Variants in PMEL observed in about 807,000 individuals in gnomAD.
PMEL encodes premelanosome protein.
In PMEL, 53 loss-of-function variants were observed where a neutral mutation model predicts 64.9. The ratio of observed to expected loss-of-function variants is 0.82; its 90% confidence interval spans 0.66 to 1.03. The LOEUF (loss-of-function observed/expected upper bound fraction) is 1.03, where lower values mean the gene tolerates loss of function less well. Among genes scored for constraint, PMEL ranks in the 50% least tolerant of loss-of-function variants. PMEL has a pLI of 0.00. For missense variants in PMEL, 716 were observed against 814.9 expected, an observed-to-expected ratio of 0.88 and a Z score of 1.48; for synonymous variants, 299 against 316.2, an observed-to-expected ratio of 0.95 and a Z score of 0.58.
chr12:55,962,842 A>G (rs1889158006), intron 1 of PMEL, among the ~76,000 whole-genome samples: 1 of 151,742 alleles, frequency 6.6e-6, no homozygotes. Context: ...GTTTTGTTTT[A>G]AATCAAGACA....
chr12:55,955,958 C>T, intron 7 of PMEL, 95 bp from the exon 8 acceptor site: 3 of 1,190,736 alleles, frequency 2.5e-6, no homozygotes, highest in South Asian at 2.4e-5. Context: ...CCACCAATCC[C>T]ATCCCTGTGC....
At chr12:55,963,215 G>A (rs764226471) in intron 1 of PMEL, among the ~76,000 whole-genome samples, 15 of 152,034 alleles carry the variant, frequency 9.9e-5, no homozygotes, top group African/African-American at 1.4e-4. Context: ...GAAAGATCAC[G>A]ATGGCAAGCA....
intron 1 of PMEL, among the ~76,000 whole-genome samples, chr12:55,962,781 T>C (rs1250064657): frequency 6.6e-6 from 1 of 151,868 alleles, no homozygotes; most frequent in Non-Finnish European, 1.5e-5. Context: ...TCCAACCGCT[T>C]CGGCCTCCCA....
chr12:55,956,245 A>C lies in PMEL; in HGVS notation c.1355-26T>G, dbSNP rs539354382. ...CTGGCAGGAGAGGATCAAGGAGGCA[A>C]GATCAAGAGACAGATGACTCATCTG... On this transcript the variant is annotated intron_variant, in intron 6 of 10. Transcript: ENST00000548747. 4.8e-5 allele frequency: 70 copies of C among 1,465,462 alleles called. 1 individual carries two copies. In the South Asian group the frequency reaches 7.5e-4, roughly 16 times the overall value. 90.8% of individuals were successfully genotyped at this position (1,465,462 alleles called of 1,614,324 possible).
Position 55,955,813 on chromosome 12 carries a change from C to A in PMEL, c.1522G>T (p.Asp508Tyr), listed in dbSNP as rs764582176. 1 of 1,613,942 alleles carries A rather than the reference C, an allele frequency of 6.2e-7. No individual in the cohort carries two copies. Among genetic ancestry groups the A allele is most frequent in the African/African-American group, 1.3e-5 (1 of 74,944 alleles). The change falls in exon 8 of 11, where the codon GAT becomes TAT. Residue 508 changes from aspartate (D) to tyrosine (Y), a missense_variant. Physicochemically the swap from Asp to Tyr is radical, Grantham distance 160. Coordinates refer to ENST00000548747, the MANE Select transcript of PMEL (RefSeq NM_001384361.1). Reference sequence around the variant, plus strand: ...CAGGACACAGTCAGCTCAAATGCATCCCCCTCACCGGACGGCACAGCCTGC... The same window carrying A: ...CAGGACACAGTCAGCTCAAATGCATACCCCTCACCGGACGGCACAGCCTGC... Reference protein sequence around the residue: ...ILQAVPSGEGDAFELTVSCQG... With the variant: ...ILQAVPSGEGYAFELTVSCQG...
upstream of PMEL, chr12:55,966,205 A>G: frequency 1.2e-6 from 1 of 813,676 alleles, no homozygotes; most frequent in Non-Finnish European, 1.9e-6. Flanking sequence ...CCTGCTACTC[A>G]ATGACAGTTT....
chr12:55,957,559 A>C lies in PMEL; in HGVS notation c.744T>G (p.Ser248Arg), dbSNP rs1446193435. The C allele has an allele frequency of 6.2e-7, 1 of 1,613,912 alleles. No individual in the cohort carries two copies. Among genetic ancestry groups the C allele is most frequent in the Non-Finnish European group, 8.5e-7 (1 of 1,179,976 alleles). The stretch of plus-strand genomic sequence containing the variant: ...AGAGGTCAGCTTCAGCCAGATAGCC[A>C]CTGGGGTCATGGAGCTGGAGGGCAA... ...LTFALQLHDP[S>R]GYLAEADLSY... The change falls in exon 6 of 11, where the codon AGT (serine) becomes AGG (arginine). Residue 248 changes from serine to arginine, a missense_variant. By Grantham distance (110) the Ser-to-Arg change is moderately radical. Transcript: ENST00000548747.
chr12:55,966,530 T>G (rs1889308469), upstream of PMEL: 4 of 303,350 alleles, frequency 1.3e-5, no homozygotes, highest in Non-Finnish European at 2.0e-5. Context: ...TTCCCCAGGA[T>G]TGGTGAAAAT....
intron 3 of PMEL, among the ~76,000 whole-genome samples, chr12:55,959,815 A>G (rs1013878382): frequency 6.6e-5 from 10 of 151,656 alleles, no homozygotes; most frequent in Non-Finnish European, 1.3e-4. Context: ...AAAAATAAAT[A>G]CATAAATAAA....
chr12:55,966,295 G>A (rs537368431), upstream of PMEL: 3 of 487,342 alleles, frequency 6.2e-6, no homozygotes, highest in African/African-American at 3.9e-5. Context: ...ACACATACCA[G>A]ACACAACAGT....
Position 55,958,453 on chromosome 12 carries a change from C to T in PMEL, c.469+20G>A, listed in dbSNP as rs372078340. 1.2e-6 allele frequency: 2 copies of T among 1,611,442 alleles called. No homozygotes were observed. The highest frequency in any genetic ancestry group is 1.7e-5 in the Admixed American group (1 of 59,624). On this transcript the variant is annotated intron_variant, in intron 4 of 10. Coordinates refer to ENST00000548747, the MANE Select transcript of PMEL (RefSeq NM_001384361.1). Reference sequence around the variant, plus strand: ...AGTAAACACAAGTGTGGATGATAGGCTGAGAAGGGAGTCCCTCACCCCAGG... The same window carrying T: ...AGTAAACACAAGTGTGGATGATAGGTTGAGAAGGGAGTCCCTCACCCCAGG...
At chr12:55,961,593 G>A in intron 2 of PMEL, 29 bp downstream of exon 2, 1 of 1,595,754 alleles carries the variant, frequency 6.3e-7, no homozygotes, top group Non-Finnish European at 8.6e-7. Flanking sequence ...CTCCCACCAT[G>A]CCCTCCCCTG....
Position 55,961,417 on chromosome 12 carries a change from A to T in PMEL, c.234T>A (p.Ile78=), listed in dbSNP as rs1232710996. The T allele has an allele frequency of 3.1e-6, 5 of 1,614,192 alleles. No individual in the cohort carries two copies. The South Asian group carries it at 5.5e-5, about 18-fold the overall frequency. The change falls in exon 3 of 11, where the codon ATT becomes ATA. Residue 78 remains isoleucine (I), a synonymous_variant. Coordinates refer to ENST00000548747, the MANE Select transcript of PMEL (RefSeq NM_001384361.1). The part of the protein sequence containing the change: ...LKVSNDGPTL[I]GANASFSIAL... The stretch of plus-strand genomic sequence containing the variant: ...CAATAGAGAAGGAGGCATTTGCACC[A>T]ATCAGTGTAGGCCCATCATTACTGA...
In PMEL at chr12:55,958,565, G is replaced by C; in HGVS notation, c.377C>G (p.Thr126Ser). Reference sequence around the variant, plus strand: ...ATCAGGGAAGATGCAGGCATCGTCAGTTTCCTGGGGATACACTGGCTGTCC... The same window carrying C: ...ATCAGGGAAGATGCAGGCATCGTCACTTTCCTGGGGATACACTGGCTGTCC... The part of the protein sequence containing the change: ...WGGQPVYPQE[T>S]DDACIFPDGG... The change falls in exon 4 of 11, where the codon ACT (threonine) becomes AGT (serine). Residue 126 changes from threonine to serine, a missense_variant. Thr to Ser is a moderately conservative substitution (Grantham distance 58). Coordinates refer to ENST00000548747, the MANE Select transcript of PMEL (RefSeq NM_001384361.1). 1 of 1,614,144 alleles carries C rather than the reference G, an allele frequency of 6.2e-7. No homozygotes were observed. Among genetic ancestry groups the C allele is most frequent in the Non-Finnish European group, 8.5e-7 (1 of 1,179,978 alleles).
At chr12:55,966,250 T>TC (rs1243572105), upstream of PMEL, 1 of 597,620 alleles carries the variant, frequency 1.7e-6, no homozygotes, top group African/African-American at 1.9e-5. Context: ...CTTGATGCAC[T>TC]CCCGGGCAAG....
chr12:55,966,033 CA>C lies in PMEL; in HGVS notation c.-23del. 6.2e-7 allele frequency: 1 copy of C among 1,614,188 alleles called. No individual in the cohort carries two copies. The highest frequency in any genetic ancestry group is 1.3e-5 in the African/African-American group (1 of 75,060). On this transcript the variant is annotated 5_prime_UTR_variant, in exon 1 of 11. Transcript: ENST00000548747. ...CCATTGTGTTCTTCCCTCCAGCAAC[CA>C]AAGGCACTGGGGGGACTGGGATAGG...
chr12:55,959,320 G>A (rs969879549), intron 3 of PMEL, among the ~76,000 whole-genome samples: 3 of 151,690 alleles, frequency 2.0e-5, no homozygotes, highest in African/African-American at 7.3e-5. Flanking sequence ...AGGAGGTTGA[G>A]GCTGCAATTA....
intron 3 of PMEL, among the ~76,000 whole-genome samples, chr12:55,959,227 T>TA (rs1461468952): frequency 2.0e-5 from 3 of 150,064 alleles, no homozygotes; most frequent in Non-Finnish European, 3.0e-5. Flanking sequence ...AAAATACATT[T>TA]AAAAAAAATT....
chr12:55,965,419 C>T (rs1175401627), intron 1 of PMEL, among the ~76,000 whole-genome samples: 5 of 149,574 alleles, frequency 3.3e-5, no homozygotes, highest in African/African-American at 1.2e-4. Flanking sequence ...GCCCCTTGCT[C>T]CTGTCACGAG....
Sources: allele counts gnomAD v4.1 joint callset (sites outside exome capture counted in the v4.1 genomes callset), GRCh38; gene constraint gnomAD v4.1.1; transcripts MANE v1.5; gene names NCBI Gene and HGNC (gene_info 2026-07-23, HGNC 2026-07-21).